Variants in PPP1R14D observed in about 807,000 individuals in gnomAD.
The protein encoded by PPP1R14D is protein phosphatase 1 regulatory inhibitor subunit 14D.
A neutral mutation model predicts 17.1 loss-of-function variants in PPP1R14D; 14 were observed. The observed-to-expected ratio is 0.82, with a 90% CI of 0.54 to 1.28. PPP1R14D has a LOEUF of 1.28. Ranked by LOEUF, PPP1R14D falls within the 50% of genes most tolerant of loss-of-function variation. The pLI, the probability that PPP1R14D is intolerant of heterozygous loss-of-function variation, is 0.00. For missense variants in PPP1R14D, 173 were observed against 179.2 expected, an observed-to-expected ratio of 0.97 and a Z score of 0.20; for synonymous variants, 67 against 66.1, an observed-to-expected ratio of 1.01 and a Z score of -0.06.
chr15:40,816,037 T>G (rs751854782), intron 2 of PPP1R14D, 43 bp from the exon 3 acceptor site: 6 of 1,611,932 alleles, frequency 3.7e-6, no homozygotes, highest in Non-Finnish European at 5.1e-6. Context: ...GTCACAGCAC[T>G]TTCCCGCAAG....
rs746809057 is a variant in PPP1R14D, at chr15:40,828,498, T to A, written c.144A>T (p.Ile48=). The A allele has an allele frequency of 6.2e-7, 1 of 1,614,138 alleles. No individual in the cohort carries two copies. The highest frequency in any genetic ancestry group is 1.1e-5 in the South Asian group (1 of 91,084). Residue 48 remains isoleucine (I), a synonymous_variant, in exon 1 of 4, where the codon ATA becomes ATT. Transcript: ENST00000299174. ...ESKSHPDSSK[I]PRSRRPSRLT... ...GGCGGCTGGGTCTCCGGGACCTGGG[T>A]ATCTTGGAGGAGTCCGGGTGGGACT...
At chr15:40,817,224 G>A in intron 1 of PPP1R14D, 2 of 305,074 alleles carry the variant, frequency 6.6e-6, no homozygotes, top group Non-Finnish European at 1.4e-5. Context: ...GGGTGTGGTT[G>A]CGCATACCCG....
chr15:40,817,600 T>C (rs1368650069), intron 1 of PPP1R14D, among the ~76,000 whole-genome samples: 2 of 148,926 alleles, frequency 1.3e-5, no homozygotes, highest in South Asian at 4.3e-4. Flanking sequence ...GGTGGTTTCT[T>C]ACAAAACTAA....
intron 1 of PPP1R14D, 73 bp downstream of exon 1, chr15:40,828,314 T>C: frequency 6.7e-7 from 1 of 1,500,914 alleles, no homozygotes; most frequent in South Asian, 1.4e-5. Context: ...GCCCTCCAGC[T>C]CCTGTGAAGG....
chr15:40,819,121 T>C (rs1890726838), intron 1 of PPP1R14D, among the ~76,000 whole-genome samples: 1 of 152,228 alleles, frequency 6.6e-6, no homozygotes, highest in Admixed American at 6.5e-5. Flanking sequence ...ATCTTTTCAT[T>C]TACCCATTTT....
Position 40,828,512 on chromosome 15 carries a change from C to A in PPP1R14D, c.130G>T (p.Asp44Tyr). The A allele has an allele frequency of 6.2e-7, 1 of 1,614,194 alleles. No individual in the cohort carries two copies. The highest frequency in any genetic ancestry group is 2.2e-5 in the East Asian group (1 of 44,880). Reference sequence around the variant, plus strand: ...CGGGACCTGGGTATCTTGGAGGAGTCCGGGTGGGACTTGGACTCTGAGTCT... The same window carrying A: ...CGGGACCTGGGTATCTTGGAGGAGTACGGGTGGGACTTGGACTCTGAGTCT... ...STDSESKSHP[D>Y]SSKIPRSRRP... The change falls in exon 1 of 4, where the codon GAC (aspartate) becomes TAC (tyrosine). Residue 44 changes from aspartate (D) to tyrosine (Y), a missense_variant. Transcript: ENST00000299174.
At chr15:40,825,515 G>A (rs572849432) in intron 1 of PPP1R14D, among the ~76,000 whole-genome samples, 1 of 152,278 alleles carries the variant, frequency 6.6e-6, no homozygotes, top group Admixed American at 6.5e-5. Context: ...CCAGGGAGAA[G>A]AGGTAGGTCC....
At chr15:40,816,907 A>C (rs1890680357) in intron 1 of PPP1R14D, among the ~76,000 whole-genome samples, 1 of 151,608 alleles carries the variant, frequency 6.6e-6, no homozygotes, top group South Asian at 2.1e-4. Flanking sequence ...TCCTGTCTCT[A>C]CTAAAAATGC....
intron 1 of PPP1R14D, among the ~76,000 whole-genome samples, chr15:40,822,899 A>T (rs1890804389): frequency 6.6e-6 from 1 of 151,678 alleles, no homozygotes; most frequent in South Asian, 2.1e-4. Context: ...CCCGGGCTCA[A>T]GCAATCCTCC....
chr15:40,819,538 C>CAA (rs201466372), intron 1 of PPP1R14D, among the ~76,000 whole-genome samples: 155 of 117,242 alleles, frequency 1.3e-3, no homozygotes, highest in African/African-American at 4.4e-3. Context: ...CTCTCTTTCT[C>CAA]AAAAAAAAAA....
At chr15:40,826,160 T>C (rs1393281129) in intron 1 of PPP1R14D, among the ~76,000 whole-genome samples, 1 of 152,060 alleles carries the variant, frequency 6.6e-6, no homozygotes, top group Non-Finnish European at 1.5e-5. Flanking sequence ...CCTCAGTGAG[T>C]GGGCTTGGGA....
At chr15:40,816,323 G>T in intron 1 of PPP1R14D, 70 bp from the exon 2 acceptor site, 1 of 1,275,172 alleles carries the variant, frequency 7.8e-7, no homozygotes, top group Non-Finnish European at 1.1e-6. Context: ...TACTGTCAGG[G>T]ACTCAACCCA....
intron 1 of PPP1R14D, among the ~76,000 whole-genome samples, chr15:40,825,082 G>C (rs984933864): frequency 2.6e-5 from 4 of 152,036 alleles, no homozygotes; most frequent in Admixed American, 6.6e-5. Flanking sequence ...TCAGTAGTTT[G>C]AGACCAGACT....
At position 40,828,707 on chromosome 15, in the gene PPP1R14D, G is replaced by A. The variant is rs1017226025; in HGVS notation, c.-66C>T. On this transcript the variant is annotated 5_prime_UTR_variant, in exon 1 of 4. Coordinates refer to ENST00000299174, the MANE Select transcript of PPP1R14D (RefSeq NM_017726.8). Reference sequence around the variant, plus strand: ...GTTCTGAGCAGAGCCACAGAGGGAAGTGAGGAGACAGAGAACAGGAGAGGC... The same window carrying A: ...GTTCTGAGCAGAGCCACAGAGGGAAATGAGGAGACAGAGAACAGGAGAGGC... 4.8e-5 allele frequency: 73 copies of A among 1,518,938 alleles called. No homozygotes were observed. Among genetic ancestry groups the A allele is most frequent in the East Asian group, 6.8e-5 (3 of 43,934 alleles). 94.1% of individuals were successfully genotyped at this position (1,518,938 alleles called of 1,614,324 possible).
At position 40,817,710 on chromosome 15, in the gene PPP1R14D, G is replaced by A. The variant is rs536075163; in HGVS notation, c.256-1457C>T. Among the ~76,000 whole-genome samples, 3 of 151,388 alleles carry A rather than the reference G, an allele frequency of 2.0e-5. No homozygotes were observed. In the South Asian group the frequency reaches 6.3e-4, roughly 32 times the overall value. ...GCTCACTGCAGTCTTGACCTCCCAGGCTCAAGGGATCCTCCCACCTCAGCC... is the reference window on the plus strand; with the variant it reads ...GCTCACTGCAGTCTTGACCTCCCAGACTCAAGGGATCCTCCCACCTCAGCC... On this transcript the variant is annotated intron_variant, in intron 1 of 3. Coordinates refer to ENST00000299174, the MANE Select transcript of PPP1R14D (RefSeq NM_017726.8).
At chr15:40,820,295 A>C (rs1161435823) in intron 1 of PPP1R14D, among the ~76,000 whole-genome samples, 4 of 150,974 alleles carry the variant, frequency 2.6e-5, no homozygotes, top group Non-Finnish European at 5.9e-5. Flanking sequence ...AGTAGCTGAG[A>C]TTATAGGTGC....
At chr15:40,823,342 A>C (rs1355290578) in intron 1 of PPP1R14D, among the ~76,000 whole-genome samples, 2 of 151,988 alleles carry the variant, frequency 1.3e-5, no homozygotes, top group African/African-American at 4.8e-5. Context: ...TCCTGGGCTC[A>C]AGCAATCCTC....
rs768877115 is a variant in PPP1R14D at position 40,828,415 on chromosome 15, A to G, written c.227T>C (p.Val76Ala). 29 of 1,609,636 alleles carry G rather than the reference A, an allele frequency of 1.8e-5. No individual in the cohort carries two copies. The highest frequency in any genetic ancestry group is 2.3e-5 in the Non-Finnish European group (27 of 1,178,042). ...LQRWLEMEQW[V>A]DAQVQELFQD... ...GAAGAGCTCCTGAACTTGAGCATCC[A>G]CCCATTGCTCCATCTCCAGCCAGCG... is the stretch of plus-strand genomic sequence containing the variant. Residue 76 changes from valine to alanine, a missense_variant, in exon 1 of 4, where the codon GTG (valine) becomes GCG (alanine). Transcript: ENST00000299174.
chr15:40,820,895 A>G (rs1890764738), intron 1 of PPP1R14D, among the ~76,000 whole-genome samples: 1 of 131,222 alleles, frequency 7.6e-6, no homozygotes, highest in African/African-American at 4.0e-5. Flanking sequence ...AGAAAGAAAT[A>G]AAAGAACCAG....
Sources: gnomAD v4.1 joint callset for allele counts (sites outside exome capture counted in the v4.1 genomes callset) on GRCh38, gnomAD v4.1.1 for gene constraint, MANE v1.5 for transcripts, NCBI Gene and HGNC (gene_info 2026-07-23, HGNC 2026-07-21) for gene names.